The following GFRA1 variants were observed in gnomAD, a reference collection of about 807,000 sequenced individuals.
The protein encoded by GFRA1 is GDNF family receptor alpha 1.
In GFRA1, 16 loss-of-function variants were observed where a neutral mutation model predicts 51.6. The observed-to-expected ratio is 0.31, with a 90% CI of 0.21 to 0.47. GFRA1 has a LOEUF of 0.47. GFRA1 is among the 20% of genes least tolerant of loss of function. The pLI is 1.00. For missense variants in GFRA1, 530 were observed against 594.3 expected, an observed-to-expected ratio of 0.89 and a Z score of 1.13; for synonymous variants, 270 against 241.3, an observed-to-expected ratio of 1.12 and a Z score of -1.10.
At chr10:116,066,574 A>G (rs1189842518) in intron 9 of GFRA1, among the ~76,000 whole-genome samples, 1 of 152,172 alleles carries the variant, frequency 6.6e-6, no homozygotes. Context: ...CAACCCTCCC[A>G]CTTTACAAAG....
chr10:116,265,526 C>T (rs1969586668), intron 4 of GFRA1, among the ~76,000 whole-genome samples: 1 of 152,240 alleles, frequency 6.6e-6, no homozygotes, highest in Admixed American at 6.5e-5. Flanking sequence ...TCTCCCACTC[C>T]AAGAGTCCAA....
rs895732100 is a variant in GFRA1, at chr10:116,267,587, C to T, written c.418+1916G>A. On this transcript the variant is annotated intron_variant, in intron 4 of 10. Coordinates refer to ENST00000355422, the MANE Select transcript of GFRA1 (RefSeq NM_005264.8). ...TCAATGACCATGGAGAGGTTCATAC[C>T]CTTCCAGGCATCAGTACAAAGGAGG... Among the ~76,000 whole-genome samples the T allele has an allele frequency of 2.0e-5, 3 of 152,190 alleles. No individual in the cohort carries two copies. The East Asian group carries it at 5.8e-4, about 29-fold the overall frequency.
chr10:116,125,462 G>A lies in GFRA1; in HGVS notation c.529C>T (p.Pro177Ser). 1 of 1,614,100 alleles carries A rather than the reference G, an allele frequency of 6.2e-7. No individual in the cohort carries two copies. The highest frequency in any genetic ancestry group is 8.5e-7 in the Non-Finnish European group (1 of 1,179,946). Reference protein sequence around the residue: ...CKKYRSAYITPCTTSVSNDVC... With the variant: ...CKKYRSAYITSCTTSVSNDVC... ...TCGTTGGACACGCTGGTGGTGCACG[G>A]GGTGATGTACGCCGACCTGTACTTC... The change falls in exon 6 of 11, where the codon CCG becomes TCG. Residue 177 changes from proline to serine, a missense_variant. By Grantham distance (74) the Pro-to-Ser change is moderately conservative. Transcript: ENST00000355422.
intron 5 of GFRA1, among the ~76,000 whole-genome samples, chr10:116,155,938 A>G (rs1476315117): frequency 6.6e-6 from 1 of 152,214 alleles, no homozygotes; most frequent in African/African-American, 2.4e-5. Context: ...ACCCACCAAA[A>G]GCAAACGCTA....
At chr10:116,100,937 G>C (rs1956795264) in intron 6 of GFRA1, among the ~76,000 whole-genome samples, 1 of 152,214 alleles carries the variant, frequency 6.6e-6, no homozygotes, top group Non-Finnish European at 1.5e-5. Context: ...CAGCTCAGCA[G>C]ACAGTGGGGC....
chr10:116,116,684 G>A (rs1208422215), intron 6 of GFRA1, among the ~76,000 whole-genome samples: 1 of 151,976 alleles, frequency 6.6e-6, no homozygotes, highest in Non-Finnish European at 1.5e-5. Flanking sequence ...TTTCCTATTT[G>A]TAGAAACGAC....
chr10:116,125,183 G>A, intron 6 of GFRA1, 38 bp downstream of exon 6: 2 of 1,549,978 alleles, frequency 1.3e-6, no homozygotes, highest in Non-Finnish European at 1.8e-6. Context: ...GACTTTCCCT[G>A]TCACCTCATT....
At chr10:116,195,158 C>T (rs181507026) in intron 5 of GFRA1, among the ~76,000 whole-genome samples, 1 of 152,232 alleles carries the variant, frequency 6.6e-6, no homozygotes, top group Admixed American at 6.5e-5. Context: ...CCTTCATGGC[C>T]AAGTATAGAA....
At chr10:116,143,754 T>C (rs1376587213) in intron 5 of GFRA1, among the ~76,000 whole-genome samples, 2 of 152,070 alleles carry the variant, frequency 1.3e-5, no homozygotes, top group Non-Finnish European at 2.9e-5. Context: ...GAAATTAACA[T>C]ACAGAGAACT....
intron 9 of GFRA1, among the ~76,000 whole-genome samples, chr10:116,078,736 C>T (rs538284951): frequency 2.6e-5 from 4 of 152,136 alleles, no homozygotes; most frequent in Non-Finnish European, 4.4e-5. Context: ...TGCTAGAAAA[C>T]AGTCTGTATC....
At chr10:116,133,722 G>A (rs1162282841) in intron 5 of GFRA1, among the ~76,000 whole-genome samples, 4 of 152,224 alleles carry the variant, frequency 2.6e-5, no homozygotes, top group Non-Finnish European at 4.4e-5. Flanking sequence ...ACTTGGAGGC[G>A]CTGGCCTCTC....
At chr10:116,065,784 TAA>T (rs1242680424) in intron 9 of GFRA1, among the ~76,000 whole-genome samples, 158 bp from the exon 10 acceptor site, 1 of 152,212 alleles carries the variant, frequency 6.6e-6, no homozygotes, top group African/African-American at 2.4e-5. Context: ...AGCCATGTAA[TAA>T]AGAGATATCA....
In GFRA1 at chr10:116,117,557, G is replaced by GGATGGATGGA. The variant is rs1555152575; in HGVS notation, c.770+7663_770+7664insTCCATCCATC. On this transcript the variant is annotated intron_variant, in intron 6 of 10. Transcript: ENST00000355422. ...GATGGGTGGGTGGGTGGGTGGGTGTGTGGATGGATGGATGGATGGATGGAT... is the reference window on the plus strand; with the variant it reads ...GATGGGTGGGTGGGTGGGTGGGTGTGGATGGATGGATGGATGGATGGATGGATGGATGGAT... Among the ~76,000 whole-genome samples the GGATGGATGGA allele has an allele frequency of 3.0e-3, 297 of 97,432 alleles. 3 individuals are homozygous for GGATGGATGGA. Among genetic ancestry groups the GGATGGATGGA allele is most frequent in the African/African-American group, 6.8e-3 (162 of 23,828 alleles). 63.9% of individuals were successfully genotyped at this position (97,432 alleles called of 152,430 possible).
chr10:116,194,916 C>T (rs1386059322), intron 5 of GFRA1, among the ~76,000 whole-genome samples: 1 of 152,200 alleles, frequency 6.6e-6, no homozygotes, highest in South Asian at 2.1e-4. Flanking sequence ...AGACATTTCC[C>T]TGGCATTTTC....
chr10:116,121,581 T>C (rs894787101), intron 6 of GFRA1, among the ~76,000 whole-genome samples: 2 of 152,256 alleles, frequency 1.3e-5, no homozygotes, highest in African/African-American at 4.8e-5. Flanking sequence ...AGGAAACCTG[T>C]AGGCCCTGAG....
intron 9 of GFRA1, among the ~76,000 whole-genome samples, chr10:116,088,882 C>T (rs1956210792): frequency 7.4e-6 from 1 of 134,764 alleles, no homozygotes; most frequent in African/African-American, 2.8e-5. Flanking sequence ...GATTGCACCA[C>T]TGCACTCCAG....
chr10:116,080,830 G>A (rs1414375109), intron 9 of GFRA1, among the ~76,000 whole-genome samples: 1 of 152,186 alleles, frequency 6.6e-6, no homozygotes, highest in African/African-American at 2.4e-5. Context: ...GAGGAGGGCT[G>A]AAGACAGCCA....
At chr10:116,077,858 A>C (rs1955684433) in intron 9 of GFRA1, among the ~76,000 whole-genome samples, 1 of 152,254 alleles carries the variant, frequency 6.6e-6, no homozygotes, top group South Asian at 2.1e-4. Flanking sequence ...CTGCAACCAC[A>C]GAACTAAGAG....
chr10:116,205,582 A>C (rs896587658), intron 5 of GFRA1, among the ~76,000 whole-genome samples: 1 of 119,230 alleles, frequency 8.4e-6, no homozygotes, highest in Admixed American at 9.7e-5. Context: ...TCAAAAAAGA[A>C]AGGAAAAAAA....
Sources: gnomAD v4.1 joint callset for allele counts (sites outside exome capture counted in the v4.1 genomes callset) on GRCh38, gnomAD v4.1.1 for gene constraint, MANE v1.5 for transcripts, NCBI Gene and HGNC (gene_info 2026-07-23, HGNC 2026-07-21) for gene names.